UAP1: variants seen among roughly 807,000 people sequenced by gnomAD.
The protein encoded by UAP1 is UDP-N-acetylhexosamine pyrophosphorylase.
UAP1 carries 25 observed loss-of-function variants against 58.5 expected under a neutral mutation model. That is an observed-to-expected ratio of 0.43 (90% CI 0.31 to 0.60). The LOEUF (loss-of-function observed/expected upper bound fraction) is 0.60, where lower values mean the gene tolerates loss of function less well. Ranked by LOEUF, UAP1 falls within the 20% of genes least tolerant of loss-of-function variation. The probability of loss-of-function intolerance (pLI) is 0.11; values close to 1 mark genes in which losing one functional copy is unlikely to be tolerated. For synonymous variants in UAP1, 208 were observed against 213.0 expected (o/e 0.98, Z 0.21); for missense variants, 575 against 630.0 (o/e 0.91, Z 0.93).
At chr1:162,592,908 TG>T in intron 9 of UAP1, 126 bp downstream of exon 9, 1 of 767,264 alleles carries the variant, frequency 1.3e-6, no homozygotes, top group South Asian at 1.7e-5. Context: ...AACTTTGGTG[TG>T]GGTGCACTGC....
intron 1 of UAP1, 54 bp from the exon 2 acceptor site, chr1:162,565,958 C>A: frequency 1.7e-6 from 2 of 1,169,730 alleles, no homozygotes; most frequent in Admixed American, 2.4e-5. Flanking sequence ...GGAAAAAAGC[C>A]CTCAATTTTG....
At chr1:162,569,974 C>A (rs1299605451) in intron 2 of UAP1, among the ~76,000 whole-genome samples, 2 of 151,862 alleles carry the variant, frequency 1.3e-5, no homozygotes, top group African/African-American at 4.8e-5. Context: ...ACGATGAAAC[C>A]CCGTCTGTAC....
intron 2 of UAP1, among the ~76,000 whole-genome samples, chr1:162,567,043 G>A (rs913677057): frequency 6.6e-6 from 1 of 152,084 alleles, no homozygotes; most frequent in African/African-American, 2.4e-5. Flanking sequence ...TGCCTTCCCT[G>A]CTTTTGCTCA....
intron 2 of UAP1, among the ~76,000 whole-genome samples, chr1:162,567,173 T>C (rs1160926575): frequency 6.6e-6 from 1 of 152,236 alleles, no homozygotes; most frequent in African/African-American, 2.4e-5. Flanking sequence ...CTTACACTCA[T>C]TCATTAAGGT....
downstream of UAP1, among the ~76,000 whole-genome samples, chr1:162,600,337 ATTG>A (rs1375884851): frequency 6.6e-6 from 1 of 152,196 alleles, no homozygotes; most frequent in Non-Finnish European, 1.5e-5. Flanking sequence ...GTTTTTTGTT[ATTG>A]TTGTTGTTAT....
chr1:162,580,158 C>T (rs536851938), intron 4 of UAP1, among the ~76,000 whole-genome samples: 8 of 152,278 alleles, frequency 5.3e-5, no homozygotes, highest in African/African-American at 1.4e-4. Context: ...TGAGCCACCG[C>T]GCCCAGCCAT....
intron 3 of UAP1, 95 bp downstream of exon 3, chr1:162,577,076 C>T (rs141410246): frequency 3.4e-6 from 4 of 1,191,000 alleles, no homozygotes; most frequent in Middle Eastern, 2.8e-4. Context: ...AGACATATTT[C>T]TTGTTACTGT....
chr1:162,594,887 C>A (rs952568186), intron 9 of UAP1, among the ~76,000 whole-genome samples: 1 of 152,050 alleles, frequency 6.6e-6, no homozygotes, highest in African/African-American at 2.4e-5. Context: ...AAAAAGAGTT[C>A]CTGCGTAATC....
At chr1:162,567,345 C>T (rs148733074) in intron 2 of UAP1, among the ~76,000 whole-genome samples, 139 of 152,264 alleles carry the variant, frequency 9.1e-4, no homozygotes, top group African/African-American at 3.1e-3. Flanking sequence ...CTGCATGTTA[C>T]GTAGCATTTA....
intron 7 of UAP1, among the ~76,000 whole-genome samples, chr1:162,589,307 T>C (rs1203480840): frequency 7.4e-6 from 1 of 135,718 alleles, no homozygotes; most frequent in Admixed American, 8.6e-5. Context: ...ATATTATATA[T>C]ATAAATAAAT....
intron 7 of UAP1, among the ~76,000 whole-genome samples, chr1:162,590,050 A>G (rs891581724): frequency 5.3e-5 from 8 of 151,306 alleles, no homozygotes; most frequent in African/African-American, 1.9e-4. Flanking sequence ...TTTTTCCAGA[A>G]CAGATACTAA....
At chr1:162,600,578 A>G (rs1430946885), downstream of UAP1, among the ~76,000 whole-genome samples, 1 of 151,866 alleles carries the variant, frequency 6.6e-6, no homozygotes, top group African/African-American at 2.4e-5. Context: ...AATAAATTTC[A>G]TTTTCCGCTA....
At position 162,579,417 on chromosome 1, in the gene UAP1, T is replaced by C; in HGVS notation, c.486-11T>C. The stretch of plus-strand genomic sequence containing the variant: ...CACGGTTGCTTAGAAGATCTGATTT[T>C]CTCTTGTAAGGTATATAATGACCAG... On this transcript the variant is annotated splice_polypyrimidine_tract_variant and intron_variant, in intron 3 of 10. Coordinates refer to ENST00000271469, the Ensembl canonical transcript of UAP1. 2.7e-6 allele frequency: 4 copies of C among 1,475,670 alleles called. No individual in the cohort carries two copies. The highest frequency in any genetic ancestry group is 3.6e-6 in the Non-Finnish European group (4 of 1,108,086). 91.4% of individuals were successfully genotyped at this position (1,475,670 alleles called of 1,614,324 possible). A position where few individuals can be genotyped will look rare whatever the true frequency, so the allele number is the denominator to read the frequency against.
At chr1:162,576,810 T>C (rs1422084151) in exon 3 of UAP1, 1 of 1,614,162 alleles carries the variant, frequency 6.2e-7, no homozygotes, top group Middle Eastern at 1.6e-4. Context: ...AAAGTAGCAG[T>C]TCTTCTTCTA....
At chr1:162,573,163 C>A (rs887743396) in intron 2 of UAP1, among the ~76,000 whole-genome samples, 28 of 152,090 alleles carry the variant, frequency 1.8e-4, no homozygotes, top group African/African-American at 6.5e-4. Flanking sequence ...AAGGCACATA[C>A]AAACTCAGAA....
intron 2 of UAP1, among the ~76,000 whole-genome samples, chr1:162,568,993 C>G (rs183494673): frequency 4.3e-4 from 66 of 152,310 alleles, no homozygotes; most frequent in African/African-American, 1.5e-3. Context: ...TATAGCATAA[C>G]ACGGTGCAAA....
chr1:162,580,832 T>C (rs1473806888), intron 4 of UAP1, among the ~76,000 whole-genome samples: 1 of 152,240 alleles, frequency 6.6e-6, no homozygotes, highest in Non-Finnish European at 1.5e-5. Flanking sequence ...CATATCAATC[T>C]GTTTTTTTAA....
exon 6 of UAP1, chr1:162,587,497 C>T: frequency 6.2e-7 from 1 of 1,613,600 alleles, no homozygotes; most frequent in Non-Finnish European, 8.5e-7. Flanking sequence ...ACGAACCCTA[C>T]AGAACCAGTT....
At chr1:162,577,027 T>A in intron 3 of UAP1, 46 bp downstream of exon 3, 3 of 1,568,282 alleles carry the variant, frequency 1.9e-6, no homozygotes, top group Non-Finnish European at 2.6e-6. Flanking sequence ...ATATATTGTT[T>A]TATAATATTC....
Sources: allele counts gnomAD v4.1 joint callset (sites outside exome capture counted in the v4.1 genomes callset), GRCh38; gene constraint gnomAD v4.1.1; transcripts MANE v1.5; gene names NCBI Gene and HGNC (gene_info 2026-07-23, HGNC 2026-07-21).